The following LINGO2 variants were observed in gnomAD, a reference collection of about 807,000 sequenced individuals.
The protein encoded by LINGO2 is leucine-rich repeat and immunoglobulin-like domain-containing nogo receptor-interacting protein 2.
In LINGO2, 14 loss-of-function variants were observed where a neutral mutation model predicts 30.6. The ratio of observed to expected loss-of-function variants is 0.46; its 90% confidence interval spans 0.30 to 0.72. The LOEUF (loss-of-function observed/expected upper bound fraction) is 0.72, where lower values mean the gene tolerates loss of function less well. LINGO2 is among the 30% of genes least tolerant of loss of function. LINGO2 has a pLI of 0.07. For missense variants in LINGO2, 729 were observed against 751.7 expected, an observed-to-expected ratio of 0.97 and a Z score of 0.35; for synonymous variants, 317 against 288.5, an observed-to-expected ratio of 1.10 and a Z score of -1.00.
chr9:28,484,945 T>A lies in LINGO2; in HGVS notation c.-364-8920A>T, dbSNP rs556412777. 2.6e-5 allele frequency among the ~76,000 whole-genome samples: 4 copies of A among 152,166 alleles called. No individual in the cohort carries two copies. In the South Asian group the frequency reaches 8.3e-4, roughly 32 times the overall value. On this transcript the variant is annotated intron_variant, in intron 1 of 5. Coordinates refer to ENST00000379992, the Ensembl canonical transcript of LINGO2. ...CTTAGAGAGGGATGGAAAGAACATC[T>A]GTCAGAGAAAGGACATCTAGGTCAT...
the LINGO2 span, among the ~76,000 whole-genome samples, chr9:28,904,170 T>A: frequency 5.4e-5 from 8 of 149,428 alleles, no homozygotes; most frequent in Non-Finnish European, 8.9e-5. Context: ...CCTTTTATGA[T>A]AAAAAAAAAA....
chr9:28,722,778 T>G, the LINGO2 span, among the ~76,000 whole-genome samples: 1 of 152,116 alleles, frequency 6.6e-6, no homozygotes, highest in East Asian at 1.9e-4. Context: ...CAAAAAATAA[T>G]CCCAGTAGTA....
chr9:28,681,114 T>C, the LINGO2 span, among the ~76,000 whole-genome samples: 2 of 152,030 alleles, frequency 1.3e-5, no homozygotes, highest in African/African-American at 4.8e-5. Flanking sequence ...AGTTGATTTT[T>C]GTATATAGTG....
chr9:29,034,537 T>A, the LINGO2 span, among the ~76,000 whole-genome samples: 1 of 152,148 alleles, frequency 6.6e-6, no homozygotes, highest in Non-Finnish European at 1.5e-5. Context: ...GTTATTGTTA[T>A]TCCTTTTTTG....
At chr9:29,168,513 A>G in the LINGO2 span, among the ~76,000 whole-genome samples, 1 of 152,320 alleles carries the variant, frequency 6.6e-6, no homozygotes, top group African/African-American at 2.4e-5. Flanking sequence ...TATAGCAGGT[A>G]ATGTAATATG....
At chr9:28,720,546 T>A in the LINGO2 span, among the ~76,000 whole-genome samples, 1 of 152,040 alleles carries the variant, frequency 6.6e-6, no homozygotes, top group East Asian at 1.9e-4. Context: ...GTGTAAAAAA[T>A]TTCTGTCACT....
chr9:28,722,246 T>C, the LINGO2 span, among the ~76,000 whole-genome samples: 3 of 152,088 alleles, frequency 2.0e-5, no homozygotes, highest in African/African-American at 7.2e-5. Context: ...GTACAAGAAA[T>C]AATTGCTACA....
chr9:27,968,678 G>A (rs1168173442), intron 5 of LINGO2, among the ~76,000 whole-genome samples: 3 of 151,752 alleles, frequency 2.0e-5, no homozygotes, highest in Admixed American at 6.6e-5. Flanking sequence ...TACAATAAAA[G>A]TCCTTCAAAA....
At chr9:28,241,292 A>G (rs13291808) in intron 4 of LINGO2, among the ~76,000 whole-genome samples, 1 of 54,040 alleles carries the variant, frequency 1.9e-5, no homozygotes, top group African/African-American at 1.1e-4. Flanking sequence ...AAAAAAAAAA[A>G]GAAAAAAGAA....
Position 28,632,875 on chromosome 9 carries a change from TATATGTAGAGAGAGAGAGAG to T in LINGO2, c.-365+37305_-365+37324del, listed in dbSNP as rs1827058701. Among the ~76,000 whole-genome samples, 42 of 96,682 alleles carry T rather than the reference TATATGTAGAGAGAGAGAGAG, an allele frequency of 4.3e-4. 1 individual carries two copies. The highest frequency in any genetic ancestry group is 1.5e-3 in the Admixed American group (12 of 8,056). 63.4% of individuals were successfully genotyped at this position (96,682 alleles called of 152,430 possible). A position where few individuals can be genotyped will look rare whatever the true frequency, so the allele number is the denominator to read the frequency against. On this transcript the variant is annotated intron_variant, in intron 1 of 5. Coordinates refer to ENST00000379992, the Ensembl canonical transcript of LINGO2. ...TATTTTTTATATATATATATATATA[TATATGTAGAGAGAGAGAGAG>T]AGAGAGAGAGAGAGAGAGGAGTTGA...
chr9:28,539,979 T>G (rs1161900966), intron 1 of LINGO2, among the ~76,000 whole-genome samples: 1 of 152,174 alleles, frequency 6.6e-6, no homozygotes, highest in Non-Finnish European at 1.5e-5. Flanking sequence ...TCATTTACTT[T>G]CCTATCTGTT....
intron 3 of LINGO2, among the ~76,000 whole-genome samples, chr9:28,306,888 G>C (rs1305330938): frequency 1.3e-5 from 2 of 152,160 alleles, no homozygotes; most frequent in East Asian, 3.8e-4. Context: ...CGAACAAGTT[G>C]AATCTCTGAA....
intron 2 of LINGO2, among the ~76,000 whole-genome samples, chr9:28,473,373 T>C (rs536982152): frequency 2.0e-5 from 3 of 152,030 alleles, no homozygotes; most frequent in African/African-American, 7.2e-5. Context: ...CGTCTCACCT[T>C]GATCTGATAA....
intron 4 of LINGO2, among the ~76,000 whole-genome samples, chr9:28,215,885 G>A (rs13296178): frequency 0.13 from 19,338 of 151,838 alleles, 1,361 homozygotes; most frequent in African/African-American, 0.18. Flanking sequence ...GCAAAAAAAG[G>A]CTTCATGTAG....
chr9:28,642,483 A>T lies in LINGO2; in HGVS notation c.-365+27717T>A, dbSNP rs182835141. Among the ~76,000 whole-genome samples, 10 of 152,288 alleles carry T rather than the reference A, an allele frequency of 6.6e-5. No individual in the cohort carries two copies. The East Asian group carries it at 1.7e-3, about 26-fold the overall frequency. On this transcript the variant is annotated intron_variant, in intron 1 of 5. Coordinates refer to ENST00000379992, the Ensembl canonical transcript of LINGO2. ...AAAGAAAGTTGACTTTGAAACAAGC[A>T]TGACAATTATTTTTAAGTTTTTTGG...
the LINGO2 span, among the ~76,000 whole-genome samples, chr9:28,903,746 T>A: frequency 6.6e-6 from 1 of 152,124 alleles, no homozygotes; most frequent in African/African-American, 2.4e-5. Context: ...ATCAGAGCAC[T>A]GGGATTACAG....
chr9:28,865,837 T>A, the LINGO2 span, among the ~76,000 whole-genome samples: 1 of 152,092 alleles, frequency 6.6e-6, no homozygotes. Flanking sequence ...CTTAAAGAGA[T>A]CTTAAGTGGC....
intron 3 of LINGO2, among the ~76,000 whole-genome samples, chr9:28,350,751 A>C (rs553329848): frequency 5.3e-5 from 8 of 151,284 alleles, no homozygotes; most frequent in African/African-American, 1.9e-4. Flanking sequence ...ACTTGGAAGT[A>C]AAGCTCTCCT....
At chr9:28,009,512 T>C (rs551053394) in intron 5 of LINGO2, among the ~76,000 whole-genome samples, 2 of 152,214 alleles carry the variant, frequency 1.3e-5, no homozygotes, top group Admixed American at 1.3e-4. Flanking sequence ...TATAGAACTT[T>C]TATGACTCAA....
Sources: gnomAD v4.1 joint callset for allele counts (sites outside exome capture counted in the v4.1 genomes callset) on GRCh38, gnomAD v4.1.1 for gene constraint, MANE v1.5 for transcripts, NCBI Gene and HGNC (gene_info 2026-07-23, HGNC 2026-07-21) for gene names.